Variants in NKAIN2 observed in about 807,000 individuals in gnomAD.
NKAIN2 encodes the protein sodium/potassium transporting ATPase interacting 2, also known as sodium/potassium-transporting ATPase subunit beta-1-interacting protein 2.
A neutral mutation model predicts 32.6 loss-of-function variants in NKAIN2; 14 were observed. The observed-to-expected ratio is 0.43, with a 90% CI of 0.28 to 0.67. The LOEUF (loss-of-function observed/expected upper bound fraction) is 0.67, where lower values mean the gene tolerates loss of function less well. NKAIN2 is among the 30% of genes least tolerant of loss of function. The pLI is 0.17. For missense variants in NKAIN2, 198 were observed against 258.3 expected, an observed-to-expected ratio of 0.77 and a Z score of 1.60; for synonymous variants, 80 against 87.2, an observed-to-expected ratio of 0.92 and a Z score of 0.46.
chr6:124,413,310 T>G (rs1296474351), intron 3 of NKAIN2, among the ~76,000 whole-genome samples: 1 of 152,200 alleles, frequency 6.6e-6, no homozygotes, highest in Non-Finnish European at 1.5e-5. Flanking sequence ...GTATGCAGAT[T>G]TTCAATTGTT....
chr6:124,344,698 G>C (rs900221418), intron 2 of NKAIN2, among the ~76,000 whole-genome samples: 1 of 152,182 alleles, frequency 6.6e-6, no homozygotes, highest in South Asian at 2.1e-4. Flanking sequence ...CTGAGACTTT[G>C]CTGAAGTTGC....
At chr6:124,761,488 C>A (rs980488291) in intron 4 of NKAIN2, among the ~76,000 whole-genome samples, 2 of 152,148 alleles carry the variant, frequency 1.3e-5, no homozygotes. Flanking sequence ...TGGGCTTTCA[C>A]CCACTGGCTC....
chr6:123,924,141 A>G (rs1674188530), intron 1 of NKAIN2, among the ~76,000 whole-genome samples: 1 of 152,160 alleles, frequency 6.6e-6, no homozygotes, highest in South Asian at 2.1e-4. Flanking sequence ...TTTCAGTTGA[A>G]TTGAAGAAAT....
At chr6:124,413,094 A>G (rs1160758279) in intron 3 of NKAIN2, among the ~76,000 whole-genome samples, 2 of 152,088 alleles carry the variant, frequency 1.3e-5, no homozygotes, top group East Asian at 3.9e-4. Context: ...TGACTAGGAA[A>G]GGGAATTCCC....
intron 3 of NKAIN2, among the ~76,000 whole-genome samples, chr6:124,614,309 G>A (rs1562284742): frequency 6.6e-6 from 1 of 152,136 alleles, no homozygotes; most frequent in Non-Finnish European, 1.5e-5. Flanking sequence ...CACGAGAATT[G>A]CTTGAACCTG....
intron 1 of NKAIN2, among the ~76,000 whole-genome samples, chr6:123,867,732 T>A (rs1456771112): frequency 6.6e-6 from 1 of 152,172 alleles, no homozygotes; most frequent in African/African-American, 2.4e-5. Context: ...CCTCAAACAT[T>A]TCCTCTTCTC....
At chr6:124,751,197 C>T (rs1777702081) in intron 4 of NKAIN2, among the ~76,000 whole-genome samples, 1 of 151,984 alleles carries the variant, frequency 6.6e-6, no homozygotes, top group Non-Finnish European at 1.5e-5. Flanking sequence ...CCCATAGAAA[C>T]TGGGAGATAG....
At chr6:124,726,123 C>G (rs1411046744) in intron 4 of NKAIN2, among the ~76,000 whole-genome samples, 14 of 152,134 alleles carry the variant, frequency 9.2e-5, no homozygotes, top group South Asian at 2.1e-4. Context: ...CGGCAGCGAG[C>G]CTGGGGGAGG....
At position 123,821,044 on chromosome 6, in the gene NKAIN2, C is replaced by T. The variant is rs184229443; in HGVS notation, c.54+16790C>T. On this transcript the variant is annotated intron_variant, in intron 1 of 6. Coordinates refer to ENST00000368417, the MANE Select transcript of NKAIN2 (RefSeq NM_001040214.3). Reference sequence around the variant, plus strand: ...AAACAAAGCAGCTGATGGTTTACACCGAGGACATTGATCAGGATTCATTTG... The same window carrying T: ...AAACAAAGCAGCTGATGGTTTACACTGAGGACATTGATCAGGATTCATTTG... Among the ~76,000 whole-genome samples, 264 of 152,222 alleles carry T rather than the reference C, an allele frequency of 1.7e-3. 1 individual carries two copies. Among genetic ancestry groups the T allele is most frequent in the Middle Eastern group, 6.8e-3 (2 of 294 alleles).
intron 1 of NKAIN2, among the ~76,000 whole-genome samples, chr6:124,100,179 C>T (rs888573363): frequency 6.6e-6 from 1 of 152,124 alleles, no homozygotes; most frequent in Non-Finnish European, 1.5e-5. Context: ...TTTCCTGATC[C>T]TTGAGACACA....
intron 5 of NKAIN2, 91 bp from the exon 6 acceptor site, chr6:124,818,296 T>C: frequency 1.8e-6 from 1 of 547,564 alleles, no homozygotes; most frequent in Non-Finnish European, 3.3e-6. Flanking sequence ...AGATTATTAC[T>C]AATAAAAGGT....
rs551096603 is a variant in NKAIN2, at chr6:123,927,646, C to T, written c.54+123392C>T. Reference sequence around the variant, plus strand: ...AGGTGCTTATTTCTCTAGTGACCGTCCCAAACAGTCCTATACAGGGGGATA... The same window carrying T: ...AGGTGCTTATTTCTCTAGTGACCGTTCCAAACAGTCCTATACAGGGGGATA... On this transcript the variant is annotated intron_variant, in intron 1 of 6. Transcript: ENST00000368417. Among the ~76,000 whole-genome samples, 5 of 152,292 alleles carry T rather than the reference C, an allele frequency of 3.3e-5. No homozygotes were observed. The South Asian group carries it at 1.0e-3, about 32-fold the overall frequency.
chr6:124,375,958 G>A (rs557438318), intron 3 of NKAIN2, among the ~76,000 whole-genome samples: 1 of 152,176 alleles, frequency 6.6e-6, no homozygotes, highest in East Asian at 1.9e-4. Flanking sequence ...ATGTCTGAGG[G>A]TGCCTGCACA....
chr6:124,225,047 A>T (rs540953757), intron 1 of NKAIN2, among the ~76,000 whole-genome samples: 54 of 152,062 alleles, frequency 3.6e-4, no homozygotes, highest in Non-Finnish European at 6.9e-4. Flanking sequence ...CAGGTATAGA[A>T]TCATTCATTC....
chr6:124,101,106 AT>A (rs977389773), intron 1 of NKAIN2, among the ~76,000 whole-genome samples: 1 of 152,182 alleles, frequency 6.6e-6, no homozygotes, highest in African/African-American at 2.4e-5. Flanking sequence ...ATATGTATGT[AT>A]TTCAAAAAGC....
intron 3 of NKAIN2, among the ~76,000 whole-genome samples, chr6:124,614,167 G>A (rs1221020421): frequency 6.6e-6 from 1 of 152,178 alleles, no homozygotes; most frequent in Non-Finnish European, 1.5e-5. Context: ...GCCAAGAAGG[G>A]TGGATAACTT....
intron 2 of NKAIN2, among the ~76,000 whole-genome samples, chr6:124,316,149 G>T (rs1159418019): frequency 6.6e-6 from 1 of 152,032 alleles, no homozygotes; most frequent in Non-Finnish European, 1.5e-5. Flanking sequence ...ACAAATAAAT[G>T]ATACATGTTT....
At chr6:124,046,711 C>T (rs142113662) in intron 1 of NKAIN2, among the ~76,000 whole-genome samples, 1 of 151,910 alleles carries the variant, frequency 6.6e-6, no homozygotes, top group African/African-American at 2.4e-5. Context: ...ACATTGAGTT[C>T]TAGGGTCTTC....
At chr6:123,944,344 A>G (rs1776971359) in intron 1 of NKAIN2, among the ~76,000 whole-genome samples, 1 of 152,086 alleles carries the variant, frequency 6.6e-6, no homozygotes, top group Non-Finnish European at 1.5e-5. Context: ...ACCCCTAATC[A>G]GACTTCAGAC....
Sources: allele counts gnomAD v4.1 joint callset (sites outside exome capture counted in the v4.1 genomes callset), GRCh38; gene constraint gnomAD v4.1.1; transcripts MANE v1.5; gene names NCBI Gene and HGNC (gene_info 2026-07-23, HGNC 2026-07-21).